The following CPNE8 variants were observed in gnomAD, a reference collection of about 807,000 sequenced individuals.
The protein encoded by CPNE8 is copine-8.
Under a neutral mutation model 81.5 loss-of-function variants are expected in CPNE8, and 45 were observed. That is an observed-to-expected ratio of 0.55 (90% CI 0.44 to 0.71). The LOEUF (loss-of-function observed/expected upper bound fraction) is 0.71. CPNE8 is among the 30% of genes least tolerant of loss of function. CPNE8 has a pLI of 0.00. For missense variants in CPNE8, 594 were observed against 672.1 expected, an observed-to-expected ratio of 0.88 and a Z score of 1.28; for synonymous variants, 252 against 226.3, an observed-to-expected ratio of 1.11 and a Z score of -1.02.
chr12:38,757,639 T>G lies in CPNE8; in HGVS notation c.722+3208A>C, dbSNP rs1199978943. On this transcript the variant is annotated intron_variant, in intron 10 of 19. Transcript: ENST00000331366. ...CACAAACTGATCATTTTGCTAACAT[T>G]GAAAAAGGTTTCTTGGTGAAAATGT... Among the ~76,000 whole-genome samples, 4 of 152,036 alleles carry G rather than the reference T, an allele frequency of 2.6e-5. No individual in the cohort carries two copies. The East Asian group carries it at 7.7e-4, about 29-fold the overall frequency.
At chr12:38,745,560 T>A (rs894663545) in intron 10 of CPNE8, among the ~76,000 whole-genome samples, 1 of 152,184 alleles carries the variant, frequency 6.6e-6, no homozygotes, top group Admixed American at 6.5e-5. Flanking sequence ...TAAGTTTGTT[T>A]GAGACAGGGT....
intron 6 of CPNE8, among the ~76,000 whole-genome samples, chr12:38,794,148 T>C (rs891247051): frequency 6.6e-6 from 1 of 152,126 alleles, no homozygotes; most frequent in African/African-American, 2.4e-5. Context: ...CAATGATTTC[T>C]TGGATACGAC....
chr12:38,852,428 CAAAAAAAAAA>C (rs138401295), intron 3 of CPNE8, among the ~76,000 whole-genome samples: 1 of 75,210 alleles, frequency 1.3e-5, no homozygotes, highest in Non-Finnish European at 2.4e-5. Context: ...AGCTCTGTCT[CAAAAAAAAAA>C]AAAAAAAAAA....
intron 6 of CPNE8, among the ~76,000 whole-genome samples, chr12:38,823,579 T>A (rs1242970530): frequency 6.6e-6 from 1 of 152,232 alleles, no homozygotes; most frequent in African/African-American, 2.4e-5. Flanking sequence ...CTTCCCATTG[T>A]ATCCTGCTTC....
At chr12:38,876,158 T>C (rs973861740) in intron 1 of CPNE8, among the ~76,000 whole-genome samples, 1 of 152,134 alleles carries the variant, frequency 6.6e-6, no homozygotes, top group African/African-American at 2.4e-5. Context: ...AAAAATAAAC[T>C]ACAAGTTTTA....
intron 5 of CPNE8, among the ~76,000 whole-genome samples, chr12:38,829,901 C>T (rs886466586): frequency 6.6e-6 from 1 of 152,154 alleles, no homozygotes; most frequent in Non-Finnish European, 1.5e-5. Flanking sequence ...GGGTCCACAG[C>T]CAACCTGCCA....
intron 10 of CPNE8, among the ~76,000 whole-genome samples, chr12:38,742,541 A>C (rs1941131876): frequency 8.6e-6 from 1 of 116,010 alleles, no homozygotes; most frequent in East Asian, 2.5e-4. Context: ...GGGTGGAGGG[A>C]GTGGGGAGGG....
intron 10 of CPNE8, among the ~76,000 whole-genome samples, chr12:38,753,591 T>C (rs879367220): frequency 1.9e-4 from 29 of 152,306 alleles, no homozygotes; most frequent in Admixed American, 5.9e-4. Flanking sequence ...AGGAATAATA[T>C]GACAAAACAC....
intron 14 of CPNE8, among the ~76,000 whole-genome samples, chr12:38,700,053 T>A (rs930332769): frequency 2.0e-5 from 3 of 152,128 alleles, no homozygotes; most frequent in African/African-American, 7.2e-5. Context: ...AGATATTTTG[T>A]ATTTAGTTTT....
chr12:38,851,883 C>T (rs1335626159), intron 3 of CPNE8, among the ~76,000 whole-genome samples: 1 of 152,148 alleles, frequency 6.6e-6, no homozygotes, highest in African/African-American at 2.4e-5. Flanking sequence ...GCCTCCTGGC[C>T]TTCTTGTAGG....
At chr12:38,656,754 G>T (rs1377884316) in intron 19 of CPNE8, among the ~76,000 whole-genome samples, 3 of 152,066 alleles carry the variant, frequency 2.0e-5, no homozygotes, top group Non-Finnish European at 2.9e-5. Flanking sequence ...ATTGAAGCGG[G>T]GAGCTCTCAG....
intron 1 of CPNE8, among the ~76,000 whole-genome samples, chr12:38,883,482 A>C (rs1206053460): frequency 6.6e-6 from 1 of 152,222 alleles, no homozygotes; most frequent in East Asian, 1.9e-4. Flanking sequence ...AGAATTAACA[A>C]ATAAAAGCTT....
In CPNE8 at chr12:38,670,110, T is replaced by C. The variant is rs564158758; in HGVS notation, c.1506+619A>G. ...TTTCTTTAATTCTTACAATCACAAA[T>C]TATTTTCTATTAATGACTGTATTAT... On this transcript the variant is annotated intron_variant, in intron 19 of 19. Transcript: ENST00000331366. Among the ~76,000 whole-genome samples, 3 of 152,314 alleles carry C rather than the reference T, an allele frequency of 2.0e-5. No individual in the cohort carries two copies. The East Asian group carries it at 5.8e-4, about 29-fold the overall frequency.
chr12:38,732,740 C>G (rs1940860844), intron 10 of CPNE8, among the ~76,000 whole-genome samples: 1 of 151,902 alleles, frequency 6.6e-6, no homozygotes, highest in Non-Finnish European at 1.5e-5. Context: ...ATGTCCCCAG[C>G]CAATTTAGTT....
At chr12:38,874,653 A>G in intron 1 of CPNE8, 142 bp from the exon 2 acceptor site, 1 of 496,312 alleles carries the variant, frequency 2.0e-6, no homozygotes, top group South Asian at 3.2e-5. Context: ...ATATATGACT[A>G]AATAAACATG....
chr12:38,833,351 C>G (rs1269430039), intron 5 of CPNE8, among the ~76,000 whole-genome samples: 1 of 61,870 alleles, frequency 1.6e-5, no homozygotes, highest in Non-Finnish European at 3.5e-5. Flanking sequence ...GACCTTATCT[C>G]AAAAAAAAAA....
chr12:38,669,477 C>T (rs1214699845), intron 19 of CPNE8, among the ~76,000 whole-genome samples: 1 of 152,120 alleles, frequency 6.6e-6, no homozygotes, highest in African/African-American at 2.4e-5. Flanking sequence ...CCCCAAAACA[C>T]TGAAATCTAT....
At chr12:38,901,557 G>A (rs1361803228) in intron 1 of CPNE8, among the ~76,000 whole-genome samples, 2 of 152,068 alleles carry the variant, frequency 1.3e-5, no homozygotes, top group East Asian at 3.9e-4. Context: ...AGTTAATTAA[G>A]TAAGCTAATT....
intron 1 of CPNE8, among the ~76,000 whole-genome samples, chr12:38,902,417 A>AAGAAAGAAAAAAAGAAAGAG (rs1166996215): frequency 1.4e-5 from 1 of 72,890 alleles, no homozygotes; most frequent in Non-Finnish European, 2.7e-5. Flanking sequence ...GAAAGAAAGA[A>AAGAAAGAAAAAAAGAAAGAG]AAAGAAAGAA....
Sources: allele counts gnomAD v4.1 joint callset (sites outside exome capture counted in the v4.1 genomes callset), GRCh38; gene constraint gnomAD v4.1.1; transcripts MANE v1.5; gene names NCBI Gene and HGNC (gene_info 2026-07-23, HGNC 2026-07-21).